The following LONP2 variants were observed in gnomAD, a reference collection of about 807,000 sequenced individuals.
LONP2 encodes lon protease homolog 2, peroxisomal.
A neutral mutation model predicts 85.6 loss-of-function variants in LONP2; 60 were observed. The ratio of observed to expected loss-of-function variants is 0.70; its 90% CI spans 0.57 to 0.87. The LOEUF is 0.87. LONP2 is among the 40% of genes least tolerant of loss of function. The pLI is 0.00. For missense variants in LONP2, 860 were observed against 1,063.5 expected (o/e 0.81, Z 2.66); for synonymous variants, 395 against 389.7 (o/e 1.01, Z -0.16).
intron 1 of LONP2, among the ~76,000 whole-genome samples, chr16:48,249,956 C>T (rs1411672022): frequency 6.6e-6 from 1 of 152,124 alleles, no homozygotes; most frequent in East Asian, 1.9e-4. Flanking sequence ...CTTTGGGAGG[C>T]TGAGGTGGGT....
chr16:48,345,365 C>G (rs757199297), intron 12 of LONP2: 1 of 152,204 alleles, frequency 6.6e-6, no homozygotes, highest in Non-Finnish European at 1.5e-5. Flanking sequence ...TACCAAATGA[C>G]TTTTTGTGTT....
chr16:48,266,792 C>A (rs1374625242), intron 6 of LONP2, among the ~76,000 whole-genome samples: 1 of 151,824 alleles, frequency 6.6e-6, no homozygotes, highest in African/African-American at 2.4e-5. Flanking sequence ...AGTTTTTTGG[C>A]TATTAAAAAT....
intron 3 of LONP2, among the ~76,000 whole-genome samples, chr16:48,257,268 A>G (rs1567310050): frequency 1.3e-5 from 2 of 152,098 alleles, no homozygotes; most frequent in African/African-American, 2.4e-5. Context: ...CCAAGATTGC[A>G]CCACTGCACT....
intron 11 of LONP2, among the ~76,000 whole-genome samples, chr16:48,327,812 A>G (rs1959291584): frequency 6.6e-6 from 1 of 152,238 alleles, no homozygotes; most frequent in Admixed American, 6.5e-5. Flanking sequence ...GAAGATTTTA[A>G]TAGGGAGCAC....
At position 48,270,199 on chromosome 16, in the gene LONP2, C is replaced by T; in HGVS notation, c.1166C>T (p.Ala389Val). The T allele has an allele frequency of 6.2e-7, 1 of 1,613,994 alleles. No individual in the cohort carries two copies. Among genetic ancestry groups the T allele is most frequent in the African/African-American group, 1.3e-5 (1 of 74,984 alleles). The change falls in exon 7 of 15, where the codon GCC becomes GTC. Residue 389 changes from alanine (A) to valine (V), a missense_variant. By Grantham distance (64) the Ala-to-Val change is moderately conservative. Coordinates refer to ENST00000285737, the MANE Select transcript of LONP2 (RefSeq NM_031490.5). ...AAAACAAGTGTGGGAAGATCAGTGG[C>T]CAAGACTCTAGGTCGAGAGTTCCAC... is the stretch of plus-strand genomic sequence containing the variant. Reference protein sequence around the residue: ...VGKTSVGRSVAKTLGREFHRI... With the variant: ...VGKTSVGRSVVKTLGREFHRI...
intron 8 of LONP2, among the ~76,000 whole-genome samples, chr16:48,286,696 C>T (rs1032400461): frequency 6.6e-6 from 1 of 151,946 alleles, no homozygotes; most frequent in Non-Finnish European, 1.5e-5. Context: ...AGGGTTTCGC[C>T]ATGTTGCCCA....
chr16:48,253,031 T>A (rs1483501690), intron 2 of LONP2, among the ~76,000 whole-genome samples: 2 of 152,164 alleles, frequency 1.3e-5, no homozygotes, highest in Non-Finnish European at 2.9e-5. Flanking sequence ...TCTATGAGGA[T>A]CAGATAATGT....
intron 8 of LONP2, among the ~76,000 whole-genome samples, 198 bp downstream of exon 8, chr16:48,277,677 T>A (rs13330105): frequency 0.18 from 26,660 of 152,030 alleles, 2,613 homozygotes; most frequent in Middle Eastern, 0.28. Flanking sequence ...CCTTTTTTTT[T>A]ATTTTCCTTT....
chr16:48,323,336 T>G (rs962754041), intron 11 of LONP2, among the ~76,000 whole-genome samples: 5 of 152,178 alleles, frequency 3.3e-5, no homozygotes, highest in African/African-American at 7.2e-5. Context: ...TTGTTTGTTT[T>G]TTTCATAATA....
chr16:48,270,414 A>G lies in LONP2; in HGVS notation c.1241+140A>G, dbSNP rs1051362183. 8 of 935,988 alleles carry G rather than the reference A, an allele frequency of 8.5e-6. No homozygotes were observed. The East Asian group carries it at 1.8e-4, about 21-fold the overall frequency. The allele number at this position is 935,988 out of a possible 1,614,324, so 58.0% of individuals were successfully genotyped here. On this transcript the variant is annotated intron_variant, in intron 7 of 14. Coordinates refer to ENST00000285737, the MANE Select transcript of LONP2 (RefSeq NM_031490.5). The stretch of plus-strand genomic sequence containing the variant: ...ACCTTGAATGAAAAGGACATTTACA[A>G]GAAGTATCAGCTAGCCTAGAGCCTC...
intron 8 of LONP2, among the ~76,000 whole-genome samples, chr16:48,285,265 T>G (rs967097918): frequency 1.3e-5 from 2 of 152,200 alleles, no homozygotes; most frequent in African/African-American, 4.8e-5. Flanking sequence ...TCTCATAGTT[T>G]TCAGTATTCT....
chr16:48,278,540 T>A (rs148848345), intron 8 of LONP2, among the ~76,000 whole-genome samples: 1 of 152,354 alleles, frequency 6.6e-6, no homozygotes, highest in East Asian at 1.9e-4. Context: ...TGATTAGTAA[T>A]TTGAGTAAAG....
intron 11 of LONP2, among the ~76,000 whole-genome samples, chr16:48,305,137 A>G (rs1441359709): frequency 1.3e-5 from 2 of 152,266 alleles, no homozygotes; most frequent in African/African-American, 4.8e-5. Context: ...CGAAGCTCCT[A>G]TCTTCTGTTG....
intron 12 of LONP2, among the ~76,000 whole-genome samples, chr16:48,338,213 A>G (rs953088992): frequency 6.6e-6 from 1 of 152,202 alleles, no homozygotes; most frequent in East Asian, 1.9e-4. Flanking sequence ...ATAAATACCT[A>G]TTAAGGACCT....
chr16:48,277,805 C>T (rs1199043127), intron 8 of LONP2, among the ~76,000 whole-genome samples: 1 of 151,690 alleles, frequency 6.6e-6, no homozygotes, highest in Non-Finnish European at 1.5e-5. Flanking sequence ...CCTGGGGTCC[C>T]CCATGCCTTC....
chr16:48,275,421 G>A (rs757812312), intron 7 of LONP2, among the ~76,000 whole-genome samples: 10 of 152,050 alleles, frequency 6.6e-5, no homozygotes, highest in Admixed American at 1.3e-4. Context: ...GTAAGACCCC[G>A]TCTCTGTCAT....
At chr16:48,315,963 A>ATTTTTTTT (rs201723319) in intron 11 of LONP2, among the ~76,000 whole-genome samples, 50 of 107,558 alleles carry the variant, frequency 4.6e-4, no homozygotes, top group East Asian at 7.8e-4. Context: ...CCATATTGTA[A>ATTTTTTTT]TTTTTTTTTT....
intron 8 of LONP2, among the ~76,000 whole-genome samples, chr16:48,288,976 A>T (rs1972505606): frequency 6.6e-6 from 1 of 152,156 alleles, no homozygotes; most frequent in Non-Finnish European, 1.5e-5. Flanking sequence ...CAATGAAAGC[A>T]CTGTGTTCTA....
chr16:48,349,277 CT>C (rs1357188320), intron 14 of LONP2, among the ~76,000 whole-genome samples: 2 of 148,710 alleles, frequency 1.3e-5, no homozygotes, highest in Non-Finnish European at 3.0e-5. Context: ...GTCTTTTTTT[CT>C]TTTTTCTATC....
Sources: gnomAD v4.1 joint callset for allele counts (sites outside exome capture counted in the v4.1 genomes callset) on GRCh38, gnomAD v4.1.1 for gene constraint, MANE v1.5 for transcripts, NCBI Gene and HGNC (gene_info 2026-07-23, HGNC 2026-07-21) for gene names.